Variants in NDOR1 observed in about 807,000 individuals in gnomAD.
NDOR1 encodes NADPH-dependent diflavin oxidoreductase 1.
In NDOR1, 61 loss-of-function variants were observed where a neutral mutation model predicts 67.2. The ratio of observed to expected loss-of-function variants is 0.91; its 90% CI spans 0.74 to 1.12. NDOR1 has a LOEUF of 1.12. Ranked by LOEUF, NDOR1 falls within the 50% of genes most tolerant of loss-of-function variation. The pLI is 0.00. For synonymous variants in NDOR1, 378 were observed against 343.7 expected, an observed-to-expected ratio of 1.10 and a Z score of -1.10; for missense variants, 878 against 802.8, an observed-to-expected ratio of 1.09 and a Z score of -1.13.
rs1018949973 is a variant in NDOR1, at chr9:137,212,755, G to A, written c.311+156G>A. The A allele has an allele frequency of 4.5e-6, 3 of 672,724 alleles. No individual in the cohort carries two copies. In the African/African-American group the frequency reaches 5.3e-5, roughly 12 times the overall value. The allele number at this position is 672,724 out of a possible 1,614,324, so 41.7% of individuals were successfully genotyped here. A position where few individuals can be genotyped will look rare whatever the true frequency, so the allele number is the denominator to read the frequency against. On this transcript the variant is annotated intron_variant, in intron 3 of 13. Transcript: ENST00000684003. The surrounding 1 kb of genome is among the most constrained non-coding windows in gnomAD (Gnocchi z 4.3). ...GCTTCTCCACAACGCTCCCTGGTGG[G>A]CACCCCAGGCTTCACGCTGCGGGGA...
chr9:137,206,408 C>T (rs1834968592), intron 2 of NDOR1, 99 bp downstream of exon 2: 3 of 1,221,412 alleles, frequency 2.5e-6, no homozygotes, highest in Non-Finnish European at 3.6e-6. Flanking sequence ...TCTCCTTTAT[C>T]TCATGCACCT....
In NDOR1 at chr9:137,218,101, G is replaced by A. The variant is rs907504341; in HGVS notation, c.*1685G>A. On this transcript the variant is annotated 3_prime_UTR_variant, in exon 14 of 14. Coordinates refer to ENST00000684003, the MANE Select transcript of NDOR1 (RefSeq NM_014434.4). ...GCCCGATCTGCACAGAGCCCTACGG[G>A]CCCAGAGAGCGCCGCCTGGCCCTGC... 2.3e-5 allele frequency: 9 copies of A among 398,740 alleles called. No homozygotes were observed. Among genetic ancestry groups the A allele is most frequent in the African/African-American group, 1.6e-4 (8 of 48,638 alleles). 24.7% of individuals were successfully genotyped at this position (398,740 alleles called of 1,614,324 possible).
At chr9:137,207,687 A>G (rs1412555660) in intron 2 of NDOR1, among the ~76,000 whole-genome samples, 4 of 152,216 alleles carry the variant, frequency 2.6e-5, no homozygotes, top group East Asian at 1.9e-4. Flanking sequence ...GTAAAGCTGC[A>G]CAGAAGTCAA....
Position 137,213,956 on chromosome 9 carries a change from C to T in NDOR1, c.411-11C>T. The stretch of plus-strand genomic sequence containing the variant: ...GGGTCCGCTCAGGCCAGCGCACGTG[C>T]TCCCTCCCAGGCCCGACGCTGCTGT... On this transcript the variant is annotated splice_polypyrimidine_tract_variant and intron_variant, in intron 4 of 13. Transcript: ENST00000684003. 6.4e-7 allele frequency: 1 copy of T among 1,568,446 alleles called. No homozygotes were observed. The highest frequency in any genetic ancestry group is 8.6e-7 in the Non-Finnish European group (1 of 1,158,066).
rs779691714 is a variant in NDOR1 at position 137,215,077 on chromosome 9, G to C, written c.1066-18G>C. 1 of 1,613,632 alleles carries C rather than the reference G, an allele frequency of 6.2e-7. No individual in the cohort carries two copies. Among genetic ancestry groups the C allele is most frequent in the South Asian group, 1.1e-5 (1 of 91,052 alleles). On this transcript the variant is annotated intron_variant, in intron 8 of 13. Coordinates refer to ENST00000684003, the MANE Select transcript of NDOR1 (RefSeq NM_014434.4). ...GCTACAGCCACGCTGCAGCCACCCTGAGACTCTCTTTGCCTAGGTGCTCTG... is the reference window on the plus strand; with the variant it reads ...GCTACAGCCACGCTGCAGCCACCCTCAGACTCTCTTTGCCTAGGTGCTCTG...
In NDOR1 at chr9:137,213,672, CCCCAGGCTCCACTCTTCG is replaced by C. The variant is rs1835370215; in HGVS notation, c.312-104_312-87del. On this transcript the variant is annotated intron_variant, in intron 3 of 13. Coordinates refer to ENST00000684003, the MANE Select transcript of NDOR1 (RefSeq NM_014434.4). The stretch of plus-strand genomic sequence containing the variant: ...GTGTTTTCCACCCGAGGGAGGCCCT[CCCCAGGCTCCACTCTTCG>C]CCCGGGCTCCACTCTCCCGGGTTCC... 6 of 1,141,890 alleles carry C rather than the reference CCCCAGGCTCCACTCTTCG, an allele frequency of 5.3e-6. No homozygotes were observed. The South Asian group carries it at 8.5e-5, about 16-fold the overall frequency. 70.7% of individuals were successfully genotyped at this position (1,141,890 alleles called of 1,614,324 possible). A position where few individuals can be genotyped will look rare whatever the true frequency, so the allele number is the denominator to read the frequency against.
rs1367287692 is a variant in NDOR1, at chr9:137,216,677, C to A, written c.*261C>A. 3.5e-5 allele frequency: 19 copies of A among 536,708 alleles called. No homozygotes were observed. The highest frequency in any genetic ancestry group is 5.7e-5 in the Non-Finnish European group (17 of 298,848). 33.2% of individuals were successfully genotyped at this position (536,708 alleles called of 1,614,324 possible). The stretch of plus-strand genomic sequence containing the variant: ...GAGCTGTGTCCTCGTCCCCCCACCC[C>A]CTTCCCAGTCAAGGTGGTGGCCTGG... On this transcript the variant is annotated 3_prime_UTR_variant, in exon 14 of 14. Coordinates refer to ENST00000684003, the MANE Select transcript of NDOR1 (RefSeq NM_014434.4).
chr9:137,207,869 C>G (rs1276463938), intron 2 of NDOR1, among the ~76,000 whole-genome samples: 2 of 152,090 alleles, frequency 1.3e-5, no homozygotes, highest in African/African-American at 2.4e-5. Flanking sequence ...TGCGGGCCGG[C>G]TGCGGTGGCT....
Position 137,215,762 on chromosome 9 carries a change from C to G in NDOR1, c.1392C>G (p.Pro464=). The change falls in exon 11 of 14, where the codon CCC becomes CCG. Residue 464 remains proline (P), a synonymous_variant. Transcript: ENST00000684003. Reference sequence around the variant, plus strand: ...TGGGGCCTGGCACTGGGGTAGCCCCCTTCCGAGCAGCCATCCAGGAGCGTG... The same window carrying G: ...TGGGGCCTGGCACTGGGGTAGCCCCGTTCCGAGCAGCCATCCAGGAGCGTG... ...IMVGPGTGVA[P]FRAAIQERVA... 6.3e-7 allele frequency: 1 copy of G among 1,599,824 alleles called. No homozygotes were observed. Among genetic ancestry groups the G allele is most frequent in the Non-Finnish European group, 8.5e-7 (1 of 1,172,182 alleles).
chr9:137,206,088 G>C (rs1834949125), intron 1 of NDOR1, 144 bp from the exon 2 acceptor site: 3 of 1,432,218 alleles, frequency 2.1e-6, no homozygotes, highest in Non-Finnish European at 2.9e-6. Flanking sequence ...GAGGAGGTTG[G>C]AACCTGAAAG....
At chr9:137,206,414 C>A (rs1435120605) in intron 2 of NDOR1, 105 bp downstream of exon 2, 7 of 1,190,298 alleles carry the variant, frequency 5.9e-6, no homozygotes, top group Middle Eastern at 2.3e-4. Context: ...TTATCTCATG[C>A]ACCTTCAGAG....
At position 137,214,959 on chromosome 9, in the gene NDOR1, G is replaced by A; in HGVS notation, c.1006G>A (p.Ala336Thr). The A allele has an allele frequency of 6.2e-7, 1 of 1,613,598 alleles. No individual in the cohort carries two copies. Among genetic ancestry groups the A allele is most frequent in the Non-Finnish European group, 8.5e-7 (1 of 1,179,986 alleles). Residue 336 changes from alanine to threonine, a missense_variant, in exon 8 of 14, where the codon GCC (alanine) becomes ACC (threonine). Transcript: ENST00000684003. ...GGAGAAGCTGCTGGAGTTCAGTTCT[G>A]CCCAAGGCCAGGAGGAGCTCTTTGA... ...EREKLLEFSS[A>T]QGQEELFEYC...
Position 137,217,573 on chromosome 9 carries a change from C to T in NDOR1, c.*1157C>T, listed in dbSNP as rs1835684207. On this transcript the variant is annotated 3_prime_UTR_variant, in exon 14 of 14. Coordinates refer to ENST00000684003, the MANE Select transcript of NDOR1 (RefSeq NM_014434.4). ...AGGACTAAACATGGCTGAGGCTGGGCTCCAGCCAGATCTGGCTGGGGACAG... is the reference window on the plus strand; with the variant it reads ...AGGACTAAACATGGCTGAGGCTGGGTTCCAGCCAGATCTGGCTGGGGACAG... The T allele has an allele frequency of 1.2e-5, 2 of 168,482 alleles. No individual in the cohort carries two copies. The highest frequency in any genetic ancestry group is 4.0e-4 in the South Asian group (2 of 4,952). 10.4% of individuals were successfully genotyped at this position (168,482 alleles called of 1,614,324 possible).
intron 3 of NDOR1, 68 bp from the exon 4 acceptor site, chr9:137,213,711 GT>G: frequency 6.7e-7 from 1 of 1,486,920 alleles, no homozygotes. Context: ...ACTCTCCCGG[GT>G]TCCACTCTGC....
chr9:137,217,239 A>G lies in NDOR1; in HGVS notation c.*823A>G, dbSNP rs929341679. 1.3e-5 allele frequency among the ~76,000 whole-genome samples: 2 copies of G among 152,036 alleles called. No individual in the cohort carries two copies. The highest frequency in any genetic ancestry group is 2.9e-5 in the Non-Finnish European group (2 of 68,012). ...TGCCCGAGTGGCCTCTGCAGCTCTT[A>G]TGTCTGCCTCTAATGGGATGTGCGC... is the stretch of plus-strand genomic sequence containing the variant. On this transcript the variant is annotated 3_prime_UTR_variant, in exon 14 of 14. Transcript: ENST00000684003.
intron 2 of NDOR1, among the ~76,000 whole-genome samples, chr9:137,206,560 C>T (rs1313198452): frequency 6.6e-6 from 1 of 152,212 alleles, no homozygotes; most frequent in East Asian, 1.9e-4. Flanking sequence ...ATATGTGCAT[C>T]TAGTCTGGGT....
At chr9:137,214,135 G>A (rs1001991141) in intron 5 of NDOR1, 67 bp downstream of exon 5, 1 of 1,536,420 alleles carries the variant, frequency 6.5e-7, no homozygotes, top group Admixed American at 1.9e-5. Context: ...CCTCGCCCTG[G>A]GTCCCTCCCG....
Position 137,214,332 on chromosome 9 carries a change from T to G in NDOR1, c.641T>G (p.Ile214Ser). 3 of 1,614,056 alleles carry G rather than the reference T, an allele frequency of 1.9e-6. No individual in the cohort carries two copies. Among genetic ancestry groups the G allele is most frequent in the Non-Finnish European group, 2.5e-6 (3 of 1,179,998 alleles). ...SESKPFLAPMISNQRVTGPSH... is the reference protein window; with the variant it reads ...SESKPFLAPMSSNQRVTGPSH... The stretch of plus-strand genomic sequence containing the variant: ...TCGAAGCCCTTCCTAGCACCCATGA[T>G]CTCCAACCAGAGAGTCACCGGCCCC... Residue 214 changes from isoleucine to serine, a missense_variant, in exon 6 of 14, where the codon ATC becomes AGC. By Grantham distance (142) the Ile-to-Ser change is moderately radical (BLOSUM62 -2). Coordinates refer to ENST00000684003, the MANE Select transcript of NDOR1 (RefSeq NM_014434.4).
intron 2 of NDOR1, among the ~76,000 whole-genome samples, chr9:137,208,903 G>A (rs1449008620): frequency 2.0e-5 from 3 of 151,782 alleles, no homozygotes; most frequent in Admixed American, 6.6e-5. Context: ...GTTTTGAGAC[G>A]GAGTCTCGCT....
Sources: gnomAD v4.1 joint callset for allele counts (sites outside exome capture counted in the v4.1 genomes callset) on GRCh38, gnomAD v4.1.1 for gene constraint, Gnocchi (gnomAD v3.1) non-coding constraint, MANE v1.5 for transcripts, NCBI Gene and HGNC (gene_info 2026-07-23, HGNC 2026-07-21) for gene names.